Variants in GPHN observed in about 807,000 individuals in gnomAD.
GPHN encodes gephyrin.
A neutral mutation model predicts 95.5 loss-of-function variants in GPHN; 17 were observed. The observed-to-expected ratio is 0.18, with a 90% confidence interval of 0.12 to 0.27. The LOEUF is 0.27. Among genes scored for constraint, GPHN ranks in the 10% least tolerant of loss-of-function variants. The pLI is 1.00. For synonymous variants in GPHN, 320 were observed against 322.5 expected, an observed-to-expected ratio of 0.99 and a Z score of 0.08; for missense variants, 660 against 978.1, an observed-to-expected ratio of 0.67 and a Z score of 4.34.
chr14:67,335,650 T>C, the GPHN span: 1 of 152,672 alleles, frequency 6.5e-6, no homozygotes, highest in African/African-American at 2.4e-5. Context: ...TGTGAATGTG[T>C]GGAAAATATA....
chr14:67,369,673 G>A, the GPHN span, among the ~76,000 whole-genome samples: 1 of 152,178 alleles, frequency 6.6e-6, no homozygotes, highest in East Asian at 1.9e-4. Context: ...TATCTTGGGA[G>A]GGAAGAGTTT....
At chr14:67,325,101 T>C in the GPHN span, among the ~76,000 whole-genome samples, 6 of 151,960 alleles carry the variant, frequency 3.9e-5, no homozygotes, top group South Asian at 1.2e-3. Flanking sequence ...GAGACAGGAT[T>C]TCACCATGTT....
intron 1 of GPHN, among the ~76,000 whole-genome samples, chr14:66,557,233 GTAGGTAGATAGATAGA>G (rs757508558): frequency 0.015 from 1,979 of 135,392 alleles, 23 homozygotes; most frequent in Non-Finnish European, 0.022. Context: ...AGATACATAG[GTAGGTAGATAGATAGA>G]TAGATAGATA....
chr14:67,329,321 T>G, the GPHN span, among the ~76,000 whole-genome samples: 3 of 152,234 alleles, frequency 2.0e-5, no homozygotes, highest in Non-Finnish European at 2.9e-5. Context: ...TTCTGCACAT[T>G]GATTTTGTAT....
At chr14:67,673,085 C>G in the GPHN span, among the ~76,000 whole-genome samples, 1 of 152,198 alleles carries the variant, frequency 6.6e-6, no homozygotes, top group African/African-American at 2.4e-5. Context: ...CTTTCACAAC[C>G]GCCCTATTTA....
the GPHN span, among the ~76,000 whole-genome samples, chr14:67,683,849 GCTAGACAAA>G: frequency 6.6e-6 from 1 of 152,144 alleles, no homozygotes. Flanking sequence ...TCTTGCTTAA[GCTAGACAAA>G]GTCCCTTTCA....
intron 18 of GPHN, among the ~76,000 whole-genome samples, chr14:67,157,927 G>A (rs1267584994): frequency 1.3e-5 from 2 of 152,042 alleles, no homozygotes; most frequent in Admixed American, 1.3e-4. Context: ...TGTAGACGGA[G>A]AGAAAGATTG....
the GPHN span, chr14:67,359,713 T>C: frequency 2.5e-6 from 4 of 1,614,026 alleles, no homozygotes; most frequent in Admixed American, 6.7e-5. Context: ...ACGATAACTT[T>C]TCGGCTCGGG....
intron 1 of GPHN, among the ~76,000 whole-genome samples, chr14:66,665,465 A>G (rs2065897643): frequency 1.3e-5 from 2 of 152,234 alleles, no homozygotes; most frequent in African/African-American, 4.8e-5. Flanking sequence ...TTCTCAAAAG[A>G]AGACATTTAT....
At chr14:67,017,340 A>C (rs1280681633) in intron 9 of GPHN, among the ~76,000 whole-genome samples, 3 of 152,172 alleles carry the variant, frequency 2.0e-5, no homozygotes, top group African/African-American at 7.2e-5. Flanking sequence ...AATAGAATGT[A>C]AGAGTCTAAG....
At chr14:67,594,010 G>C in the GPHN span, 5 of 1,108,954 alleles carry the variant, frequency 4.5e-6, no homozygotes, top group Non-Finnish European at 1.4e-6. Context: ...GTCAACTCCA[G>C]GCAATGAGGG....
chr14:67,199,576 C>T, the GPHN span: 1 of 1,596,680 alleles, frequency 6.3e-7, no homozygotes, highest in Non-Finnish European at 8.6e-7. Flanking sequence ...ACCACCCTAT[C>T]ACCGTATCTT....
At chr14:67,031,465 G>A (rs913333156) in intron 10 of GPHN, among the ~76,000 whole-genome samples, 3 of 152,060 alleles carry the variant, frequency 2.0e-5, no homozygotes, top group Admixed American at 1.3e-4. Context: ...AGGATAATTA[G>A]CAATTGACTT....
chr14:67,636,802 T>A, the GPHN span, among the ~76,000 whole-genome samples: 1 of 152,194 alleles, frequency 6.6e-6, no homozygotes. Context: ...ATGAGACCCT[T>A]TCACATTGTT....
Position 67,181,207 on chromosome 14 carries a change from G to A in GPHN, c.*270G>A. On this transcript the variant is annotated 3_prime_UTR_variant, in exon 23 of 23. Coordinates refer to ENST00000478722, the MANE Select transcript of GPHN (RefSeq NM_020806.5). ...TGTGTGTTCAATGCTAGGTCTGATA[G>A]CGATAGCTTTTAGTAGACAGCGGTA... 3.9e-6 allele frequency: 2 copies of A among 510,798 alleles called. No homozygotes were observed. The highest frequency in any genetic ancestry group is 7.1e-6 in the Non-Finnish European group (2 of 281,796). The allele number at this position is 510,798 out of a possible 1,614,324, so 31.6% of individuals were successfully genotyped here.
At chr14:66,924,937 T>C (rs973709041) in intron 8 of GPHN, among the ~76,000 whole-genome samples, 15 of 151,820 alleles carry the variant, frequency 9.9e-5, no homozygotes, top group African/African-American at 3.6e-4. Flanking sequence ...AATTTAGACA[T>C]TGGATGAAAA....
intron 2 of GPHN, among the ~76,000 whole-genome samples, chr14:66,722,864 GT>G (rs924544632): frequency 6.6e-6 from 1 of 152,142 alleles, no homozygotes; most frequent in Non-Finnish European, 1.5e-5. Flanking sequence ...CAAACCTGTA[GT>G]TTTAAAAAAT....
chr14:67,505,812 T>G, the GPHN span, among the ~76,000 whole-genome samples: 1 of 152,148 alleles, frequency 6.6e-6, no homozygotes, highest in South Asian at 2.1e-4. Context: ...GTTCAAGCAA[T>G]TCTCCTGCAT....
At chr14:66,511,350 T>C (rs1391323256) in intron 1 of GPHN, among the ~76,000 whole-genome samples, 1 of 152,166 alleles carries the variant, frequency 6.6e-6, no homozygotes, top group African/African-American at 2.4e-5. Flanking sequence ...CTGTGGTTTT[T>C]GTAAATTATT....
Sources: allele counts gnomAD v4.1 joint callset (sites outside exome capture counted in the v4.1 genomes callset), GRCh38; gene constraint gnomAD v4.1.1; transcripts MANE v1.5; gene names NCBI Gene and HGNC (gene_info 2026-07-23, HGNC 2026-07-21).